The following MOCS3 variants were observed in gnomAD, a reference collection of about 807,000 sequenced individuals.
The protein encoded by MOCS3 is adenylyltransferase and sulfurtransferase MOCS3.
MOCS3 carries 9 observed loss-of-function variants against 8.4 expected under a neutral mutation model. The observed-to-expected ratio is 1.07, with a 90% CI of 0.65 to 1.87. The LOEUF is 1.87. MOCS3 is among the 40% of genes most tolerant of loss of function. The pLI is 0.00. For missense variants in MOCS3, 581 were observed against 599.7 expected (o/e 0.97, Z 0.33); for synonymous variants, 294 against 272.0 (o/e 1.08, Z -0.80).
Position 50,960,547 on chromosome 20 carries a change from C to A in MOCS3, c.*322C>A. On this transcript the variant is annotated 3_prime_UTR_variant, in exon 1 of 1. Transcript: ENST00000244051. ...GTCCTTATTTTCCACCTCCCCCAGT[C>A]AAAATGCTTTCTAAATCATTTTCAC... The A allele has an allele frequency of 4.1e-6, 1 of 241,854 alleles. No individual in the cohort carries two copies. Among genetic ancestry groups the A allele is most frequent in the Non-Finnish European group, 8.7e-6 (1 of 115,580 alleles). The allele number at this position is 241,854 out of a possible 1,614,324, so 15.0% of individuals were successfully genotyped here.
At position 50,963,283 on chromosome 20, in the gene MOCS3, T is replaced by C. The variant is rs1370833784; in HGVS notation, c.*3058T>C. ...TAACAAACATCAAATGCCTTCAGTGTACTAGTTCTTCTAGGTTCTGGAATA... is the reference window on the plus strand; with the variant it reads ...TAACAAACATCAAATGCCTTCAGTGCACTAGTTCTTCTAGGTTCTGGAATA... On this transcript the variant is annotated 3_prime_UTR_variant, in exon 1 of 1. Coordinates refer to ENST00000244051, the MANE Select transcript of MOCS3 (RefSeq NM_014484.5). 1.3e-5 allele frequency: 2 copies of C among 152,220 alleles called. No individual in the cohort carries two copies. The highest frequency in any genetic ancestry group is 2.9e-5 in the Non-Finnish European group (2 of 68,054). The allele number at this position is 152,220 out of a possible 1,614,324, so 9.4% of individuals were successfully genotyped here.
rs1317205336 is a variant in MOCS3 at position 50,959,887 on chromosome 20, G to T, written c.1045G>T (p.Ala349Ser). The change falls in exon 1 of 1, where the codon GCA becomes TCA. Residue 349 changes from alanine to serine, a missense_variant. By Grantham distance (99) the Ala-to-Ser change is moderately conservative. Coordinates refer to ENST00000244051, the MANE Select transcript of MOCS3 (RefSeq NM_014484.5). The stretch of plus-strand genomic sequence containing the variant: ...CTATAAGCGACTGCTGGATTCTGGG[G>T]CATTCCACCTGTTGCTGGACGTCAG... ...TDYKRLLDSG[A>S]FHLLLDVRPQ... 1.9e-6 allele frequency: 3 copies of T among 1,614,216 alleles called. No homozygotes were observed. Among genetic ancestry groups the T allele is most frequent in the Non-Finnish European group, 2.5e-6 (3 of 1,180,014 alleles).
At position 50,958,831 on chromosome 20, in the gene MOCS3, G is replaced by A. The variant is rs1214697542; in HGVS notation, c.-12G>A. On this transcript the variant is annotated 5_prime_UTR_variant, in exon 1 of 1. Coordinates refer to ENST00000244051, the MANE Select transcript of MOCS3 (RefSeq NM_014484.5). ...GAAATGCCTTTCACGACAACTTCCG[G>A]AAGAGGTCGCCATGGCTTCCCGGGA... is the stretch of plus-strand genomic sequence containing the variant. 5 of 1,579,182 alleles carry A rather than the reference G, an allele frequency of 3.2e-6. No homozygotes were observed. Among genetic ancestry groups the A allele is most frequent in the Admixed American group, 1.8e-5 (1 of 56,500 alleles).
Position 50,959,354 on chromosome 20 carries a change from G to C in MOCS3, c.512G>C (p.Arg171Pro), listed in dbSNP as rs747860925. ...LTPATALDLV[R>P]RYDVVADCSD... ...CCAGCCACTGCCCTAGACCTGGTCC[G>C]CCGATATGATGTGGTGGCTGACTGC... Residue 171 changes from arginine (R) to proline (P), a missense_variant, in exon 1 of 1, where the codon CGC becomes CCC. Coordinates refer to ENST00000244051, the MANE Select transcript of MOCS3 (RefSeq NM_014484.5). 3 of 1,610,796 alleles carry C rather than the reference G, an allele frequency of 1.9e-6. No individual in the cohort carries two copies. The highest frequency in any genetic ancestry group is 1.3e-5 in the African/African-American group (1 of 74,888).
In MOCS3 at chr20:50,959,264, CCGCCGCCTCGCTG is replaced by C; in HGVS notation, c.432_444del (p.Leu145IlefsTer19). ...GCTGGCCAGGCCAAGGCCTTTTCGGCCGCCGCCTCGCTGCGCCGCCTCAATTCGGCAGTGGAAT... is the reference window on the plus strand; with the variant it reads ...GCTGGCCAGGCCAAGGCCTTTTCGGCCGCCGCCTCAATTCGGCAGTGGAAT... On this transcript the variant is annotated frameshift_variant, in exon 1 of 1. Transcript: ENST00000244051. LOFTEE classifies it low-confidence loss of function (END_TRUNC). The C allele has an allele frequency of 6.2e-7, 1 of 1,609,944 alleles. No homozygotes were observed. Among genetic ancestry groups the C allele is most frequent in the Middle Eastern group, 1.7e-4 (1 of 6,050 alleles).
In MOCS3 at chr20:50,960,363, G is replaced by A. The variant is rs1987076334; in HGVS notation, c.*138G>A. On this transcript the variant is annotated 3_prime_UTR_variant, in exon 1 of 1. Transcript: ENST00000244051. Reference sequence around the variant, plus strand: ...TGAATACGTGGACTCCTTTTTATAAGGAGTTTTAAAAATTGTTATGTATTG... The same window carrying A: ...TGAATACGTGGACTCCTTTTTATAAAGAGTTTTAAAAATTGTTATGTATTG... 1.1e-6 allele frequency: 1 copy of A among 885,790 alleles called. No individual in the cohort carries two copies. Among genetic ancestry groups the A allele is most frequent in the Non-Finnish European group, 1.7e-6 (1 of 602,504 alleles). The allele number at this position is 885,790 out of a possible 1,614,324, so 54.9% of individuals were successfully genotyped here.
chr20:50,959,080 C>T lies in MOCS3; in HGVS notation c.238C>T (p.Leu80=), dbSNP rs1316272294. 2 of 1,612,936 alleles carry T rather than the reference C, an allele frequency of 1.2e-6. No individual in the cohort carries two copies. The highest frequency in any genetic ancestry group is 1.7e-6 in the Non-Finnish European group (2 of 1,179,866). ...GCTGGGCGTGCACGGACAGCTGCGC[C>T]TGGGGACCGCGTGCGTGCTAATCGT... ...PELGVHGQLR[L]GTACVLIVGC... The change falls in exon 1 of 1, where the codon CTG becomes TTG. Residue 80 remains leucine (L), a synonymous_variant. Coordinates refer to ENST00000244051, the MANE Select transcript of MOCS3 (RefSeq NM_014484.5).
In MOCS3 at chr20:50,959,216, A is replaced by T. The variant is rs1244576161; in HGVS notation, c.374A>T (p.Gln125Leu). ...GTAGAGATGAGCAACCTGGCCCGCC[A>T]AGTGCTGCATGGCGAGGCACTGGCT... ...DVVEMSNLAR[Q>L]VLHGEALAGQ... Residue 125 changes from glutamine (Q) to leucine (L), a missense_variant, in exon 1 of 1, where the codon CAA becomes CTA. Physicochemically the swap from Gln to Leu is moderately radical, Grantham distance 113. Coordinates refer to ENST00000244051, the MANE Select transcript of MOCS3 (RefSeq NM_014484.5). 15 of 1,611,584 alleles carry T rather than the reference A, an allele frequency of 9.3e-6. No individual in the cohort carries two copies. Among genetic ancestry groups the T allele is most frequent in the Non-Finnish European group, 1.3e-5 (15 of 1,179,326 alleles).
rs1218258916 is a variant in MOCS3, at chr20:50,959,053, G to A, written c.211G>A (p.Glu71Lys). The change falls in exon 1 of 1, where the codon GAG (glutamate) becomes AAG (lysine). Residue 71 changes from glutamate (E) to lysine (K), a missense_variant. Coordinates refer to ENST00000244051, the MANE Select transcript of MOCS3 (RefSeq NM_014484.5). The stretch of plus-strand genomic sequence containing the variant: ...CTATAGCCGGCAGCTAGTGCTGCCC[G>A]AGCTGGGCGTGCACGGACAGCTGCG... Reference protein sequence around the residue: ...LRYSRQLVLPELGVHGQLRLG... With the variant: ...LRYSRQLVLPKLGVHGQLRLG... The A allele has an allele frequency of 1.2e-6, 2 of 1,613,022 alleles. No individual in the cohort carries two copies. Among genetic ancestry groups the A allele is most frequent in the Non-Finnish European group, 8.5e-7 (1 of 1,179,874 alleles).
At position 50,963,543 on chromosome 20, in the gene MOCS3, ATAACTG is replaced by A. The variant is rs1455183483; in HGVS notation, c.*3322_*3327del. On this transcript the variant is annotated 3_prime_UTR_variant, in exon 1 of 1. Transcript: ENST00000244051. Reference sequence around the variant, plus strand: ...AGGAAAATTCTATACTGGGAGAAAAATAACTGTAAAGACCTCAAGGTAAATAAACTT... The same window carrying A: ...AGGAAAATTCTATACTGGGAGAAAAATAAAGACCTCAAGGTAAATAAACTT... 2 of 152,228 alleles carry A rather than the reference ATAACTG, an allele frequency of 1.3e-5. No individual in the cohort carries two copies. Among genetic ancestry groups the A allele is most frequent in the Non-Finnish European group, 2.9e-5 (2 of 68,048 alleles). The allele number at this position is 152,228 out of a possible 1,614,324, so 9.4% of individuals were successfully genotyped here.
chr20:50,959,829 A>G lies in MOCS3; in HGVS notation c.987A>G (p.Leu329=). The G allele has an allele frequency of 6.2e-7, 1 of 1,614,206 alleles. No individual in the cohort carries two copies. Among genetic ancestry groups the G allele is most frequent in the Non-Finnish European group, 8.5e-7 (1 of 1,180,030 alleles). The part of the protein sequence containing the change: ...SATDKCRSLQ[L]LSPEERVSVT... ...CTGATAAATGCCGCTCCCTGCAACT[A>G]CTGAGCCCAGAGGAGCGTGTTTCTG... Residue 329 remains leucine, a synonymous_variant, in exon 1 of 1, where the codon CTA becomes CTG. Transcript: ENST00000244051.
Position 50,960,263 on chromosome 20 carries a change from C to A in MOCS3, c.*38C>A. The A allele has an allele frequency of 6.5e-7, 1 of 1,545,344 alleles. No homozygotes were observed. The highest frequency in any genetic ancestry group is 8.7e-7 in the Non-Finnish European group (1 of 1,144,182). ...AGTCTGATGAGAAAGATGTGGATTGCCATAATACCTCAAAGATACACTTGT... is the reference window on the plus strand; with the variant it reads ...AGTCTGATGAGAAAGATGTGGATTGACATAATACCTCAAAGATACACTTGT... On this transcript the variant is annotated 3_prime_UTR_variant, in exon 1 of 1. Coordinates refer to ENST00000244051, the MANE Select transcript of MOCS3 (RefSeq NM_014484.5).
rs765610953 is a variant in MOCS3, at chr20:50,963,673, C to T, written c.*3448C>T. 2 of 152,194 alleles carry T rather than the reference C, an allele frequency of 1.3e-5. No individual in the cohort carries two copies. The highest frequency in any genetic ancestry group is 2.4e-5 in the African/African-American group (1 of 41,450). 9.4% of individuals were successfully genotyped at this position (152,194 alleles called of 1,614,324 possible). A position where few individuals can be genotyped will look rare whatever the true frequency, so the allele number is the denominator to read the frequency against. ...TTTGAGAAGCAGGGAACATCATAAA[C>T]TTTGTAGACCATAGTAGTTTGGTTT... is the stretch of plus-strand genomic sequence containing the variant. On this transcript the variant is annotated 3_prime_UTR_variant, in exon 1 of 1. Coordinates refer to ENST00000244051, the MANE Select transcript of MOCS3 (RefSeq NM_014484.5).
In MOCS3 at chr20:50,958,912, C is replaced by T; in HGVS notation, c.70C>T (p.Leu24=). 6.2e-7 allele frequency: 1 copy of T among 1,608,304 alleles called. No homozygotes were observed. The highest frequency in any genetic ancestry group is 8.5e-7 in the Non-Finnish European group (1 of 1,175,874). Residue 24 remains leucine, a synonymous_variant, in exon 1 of 1, where the codon CTG becomes TTG. Coordinates refer to ENST00000244051, the MANE Select transcript of MOCS3 (RefSeq NM_014484.5). The part of the protein sequence containing the change: ...VAQREEELNS[L]KQKLASALLA... ...CCAACGTGAGGAGGAATTGAATTCG[C>T]TGAAGCAGAAGCTGGCGTCGGCTCT...
rs772493773 is a variant in MOCS3, at chr20:50,958,924, C to T, written c.82C>T (p.Leu28=). ...EEELNSLKQK[L]ASALLAEQEP... ...GGAATTGAATTCGCTGAAGCAGAAG[C>T]TGGCGTCGGCTCTTTTGGCTGAGCA... Residue 28 remains leucine, a synonymous_variant, in exon 1 of 1, where the codon CTG becomes TTG. Coordinates refer to ENST00000244051, the MANE Select transcript of MOCS3 (RefSeq NM_014484.5). The T allele has an allele frequency of 1.2e-6, 2 of 1,609,814 alleles. No homozygotes were observed. The highest frequency in any genetic ancestry group is 1.7e-5 in the Admixed American group (1 of 59,970).
rs954212848 is a variant in MOCS3, at chr20:50,960,497, A to C, written c.*272A>C. 2.9e-6 allele frequency: 1 copy of C among 339,780 alleles called. No homozygotes were observed. The highest frequency in any genetic ancestry group is 2.1e-5 in the African/African-American group (1 of 46,954). 21.0% of individuals were successfully genotyped at this position (339,780 alleles called of 1,614,324 possible). A position where few individuals can be genotyped will look rare whatever the true frequency, so the allele number is the denominator to read the frequency against. Reference sequence around the variant, plus strand: ...GAGATGTAACGTGACAGGATTTTGCATTTTAAACTGCAGATCATTTACATG... The same window carrying C: ...GAGATGTAACGTGACAGGATTTTGCCTTTTAAACTGCAGATCATTTACATG... On this transcript the variant is annotated 3_prime_UTR_variant, in exon 1 of 1. Transcript: ENST00000244051.
Position 50,960,335 on chromosome 20 carries a change from CTG to C in MOCS3, c.*113_*114del, listed in dbSNP as rs1181060358. On this transcript the variant is annotated 3_prime_UTR_variant, in exon 1 of 1. Transcript: ENST00000244051. ...ATAGGAGCTGGGGATTCTACAGTAT[CTG>C]TGAATACGTGGACTCCTTTTTATAA... 2.6e-6 allele frequency: 3 copies of C among 1,154,854 alleles called. No individual in the cohort carries two copies. The highest frequency in any genetic ancestry group is 2.9e-4 in the Middle Eastern group (1 of 3,426). The allele number at this position is 1,154,854 out of a possible 1,614,324, so 71.5% of individuals were successfully genotyped here. A position where few individuals can be genotyped will look rare whatever the true frequency, so the allele number is the denominator to read the frequency against.
rs202056600 is a variant in MOCS3, at chr20:50,959,816, G to C, written c.974G>C (p.Arg325Pro). The C allele has an allele frequency of 7.5e-4, 1,209 of 1,614,218 alleles. 26 individuals carry two copies. The South Asian group carries it at 0.013, about 17-fold the overall frequency. The change falls in exon 1 of 1, where the codon CGC becomes CCC. Residue 325 changes from arginine (R) to proline (P), a missense_variant. Physicochemically the swap from Arg to Pro is moderately radical, Grantham distance 103 (BLOSUM62 -2). Coordinates refer to ENST00000244051, the MANE Select transcript of MOCS3 (RefSeq NM_014484.5). ...GGCTCCTCAGCCACTGATAAATGCC[G>C]CTCCCTGCAACTACTGAGCCCAGAG... ...FCGSSATDKC[R>P]SLQLLSPEER...
chr20:50,961,407 A>G lies in MOCS3; in HGVS notation c.*1182A>G, dbSNP rs1189428354. 1 of 153,888 alleles carries G rather than the reference A, an allele frequency of 6.5e-6. No individual in the cohort carries two copies. Among genetic ancestry groups the G allele is most frequent in the African/African-American group, 2.4e-5 (1 of 41,456 alleles). The allele number at this position is 153,888 out of a possible 1,614,324, so 9.5% of individuals were successfully genotyped here. On this transcript the variant is annotated 3_prime_UTR_variant, in exon 1 of 1. Transcript: ENST00000244051. Reference sequence around the variant, plus strand: ...ATTATAAGTAAAAATTTGATTTGTGAGTGCCTATCAGTGGCCAGATGAACT... The same window carrying G: ...ATTATAAGTAAAAATTTGATTTGTGGGTGCCTATCAGTGGCCAGATGAACT...
Sources: allele counts gnomAD v4.1 joint callset, GRCh38; gene constraint gnomAD v4.1.1; transcripts MANE v1.5; gene names NCBI Gene and HGNC (gene_info 2026-07-23, HGNC 2026-07-21).